Variants in CACNA2D2 observed in about 807,000 individuals in gnomAD.
The protein encoded by CACNA2D2 is calcium voltage-gated channel auxiliary subunit alpha2delta 2, also known as voltage-dependent calcium channel subunit alpha-2/delta-2.
CACNA2D2 carries 48 observed loss-of-function variants against 166.4 expected under a neutral mutation model. The ratio of observed to expected loss-of-function variants is 0.29; its 90% CI spans 0.23 to 0.37. CACNA2D2 has a LOEUF of 0.37. Ranked by LOEUF, CACNA2D2 falls within the 10% of genes least tolerant of loss-of-function variation. CACNA2D2 has a pLI of 1.00. For synonymous variants in CACNA2D2, 561 were observed against 573.7 expected (o/e 0.98, Z 0.32); for missense variants, 1,122 against 1,433.0 (o/e 0.78, Z 3.50).
intron 22 of CACNA2D2, among the ~76,000 whole-genome samples, chr3:50,371,191 C>A (rs1704639532): frequency 6.6e-6 from 1 of 152,116 alleles, no homozygotes; most frequent in South Asian, 2.1e-4. Flanking sequence ...TGGAGACGGG[C>A]TGGGTCTCCA....
At chr3:50,454,305 C>T (rs927300570) in intron 2 of CACNA2D2, among the ~76,000 whole-genome samples, 2 of 152,188 alleles carry the variant, frequency 1.3e-5, no homozygotes, top group African/African-American at 4.8e-5. Context: ...GCTTGGCACC[C>T]GCTGTGTACG....
In CACNA2D2 at chr3:50,377,453, A is replaced by T; in HGVS notation, c.1626+14T>A. ...TGGGAGGCAGGGTACGCGGATGGGC[A>T]GGGGGATGCTCACCGTGTAGTTGGG... On this transcript the variant is annotated intron_variant, in intron 17 of 37. Coordinates refer to ENST00000424201, the MANE Select transcript of CACNA2D2 (RefSeq NM_006030.4). 1 of 1,608,204 alleles carries T rather than the reference A, an allele frequency of 6.2e-7. No homozygotes were observed. The highest frequency in any genetic ancestry group is 8.5e-7 in the Non-Finnish European group (1 of 1,175,792).
At chr3:50,502,154 T>A (rs1403421763) in intron 1 of CACNA2D2, among the ~76,000 whole-genome samples, 1 of 152,078 alleles carries the variant, frequency 6.6e-6, no homozygotes, top group Admixed American at 6.6e-5. Flanking sequence ...AGCCAGCCTC[T>A]CCCTTTCCCC....
chr3:50,402,424 C>T (rs1393879622), intron 3 of CACNA2D2, among the ~76,000 whole-genome samples: 1 of 152,234 alleles, frequency 6.6e-6, no homozygotes, highest in Non-Finnish European at 1.5e-5. Flanking sequence ...GGCTGCAGGT[C>T]TCTGCCTTAC....
rs1292730350 is a variant in CACNA2D2 at position 50,365,667 on chromosome 3, G to A, written c.2937C>T (p.Leu979=). The A allele has an allele frequency of 6.3e-7, 1 of 1,584,774 alleles. No individual in the cohort carries two copies. The highest frequency in any genetic ancestry group is 8.6e-7 in the Non-Finnish European group (1 of 1,165,776). The change falls in exon 34 of 38, where the codon CTC becomes CTT. Residue 979 remains leucine (L), a synonymous_variant. Coordinates refer to ENST00000424201, the MANE Select transcript of CACNA2D2 (RefSeq NM_006030.4). This position sits in a 1 kb window ranked among gnomAD's most constrained non-coding sequence, Gnocchi z 4.5. ...ACCAGCTGTGGTAGATGAGGCCGTAGAGAAGCTGCTGGAACAGGGACCTGC... is the reference window on the plus strand; with the variant it reads ...ACCAGCTGTGGTAGATGAGGCCGTAAAGAAGCTGCTGGAACAGGGACCTGC... ...AAAWSLFQQL[L]YGLIYHSWFQ...
chr3:50,492,170 C>A (rs990913678), intron 1 of CACNA2D2, among the ~76,000 whole-genome samples: 4 of 152,270 alleles, frequency 2.6e-5, no homozygotes, highest in African/African-American at 7.2e-5. Context: ...GCCTTCCCCA[C>A]GGCCATGTCT....
intron 2 of CACNA2D2, among the ~76,000 whole-genome samples, chr3:50,471,275 T>C (rs912005686): frequency 1.3e-5 from 2 of 151,672 alleles, no homozygotes; most frequent in African/African-American, 4.8e-5. Context: ...TCTCGGTGCG[T>C]CAGTGCGACA....
chr3:50,450,091 C>A (rs993518827), intron 2 of CACNA2D2, among the ~76,000 whole-genome samples: 2 of 152,220 alleles, frequency 1.3e-5, no homozygotes, highest in South Asian at 4.1e-4. Flanking sequence ...CAGGTCTCAA[C>A]CAGTCCTCTC....
At chr3:50,377,314 C>T (rs587637979) in intron 17 of CACNA2D2, among the ~76,000 whole-genome samples, 153 bp downstream of exon 17, 1 of 152,174 alleles carries the variant, frequency 6.6e-6, no homozygotes, top group Non-Finnish European at 1.5e-5. Flanking sequence ...TCACCTTGTT[C>T]TAGACCCAAG....
At chr3:50,431,424 T>C (rs942922088) in intron 3 of CACNA2D2, among the ~76,000 whole-genome samples, 1 of 152,030 alleles carries the variant, frequency 6.6e-6, no homozygotes, top group African/African-American at 2.4e-5. Flanking sequence ...TGGGAGGCCA[T>C]GAGCTATGGG....
chr3:50,435,682 T>TAA (rs1258931067), intron 2 of CACNA2D2, among the ~76,000 whole-genome samples: 16 of 152,066 alleles, frequency 1.1e-4, no homozygotes, highest in Admixed American at 3.3e-4. Flanking sequence ...GCCCCTGCTC[T>TAA]GCTGCTACCC....
At chr3:50,488,230 T>TCC (rs2107145238) in intron 1 of CACNA2D2, among the ~76,000 whole-genome samples, 1 of 152,206 alleles carries the variant, frequency 6.6e-6, no homozygotes, top group African/African-American at 2.4e-5. Context: ...GGCAGGCTGC[T>TCC]CCCACACCGA....
chr3:50,481,647 C>T (rs1461642413), intron 1 of CACNA2D2, among the ~76,000 whole-genome samples: 3 of 152,186 alleles, frequency 2.0e-5, no homozygotes, highest in Non-Finnish European at 2.9e-5. Flanking sequence ...TCTCTTGCTT[C>T]TCTCATGATA....
intron 2 of CACNA2D2, among the ~76,000 whole-genome samples, chr3:50,473,667 C>G (rs1255017716): frequency 6.6e-6 from 1 of 152,190 alleles, no homozygotes; most frequent in Non-Finnish European, 1.5e-5. Flanking sequence ...ATTTGGAGAG[C>G]AATGGTGGCT....
At chr3:50,464,681 GC>G (rs1175196889) in intron 2 of CACNA2D2, among the ~76,000 whole-genome samples, 1 of 152,182 alleles carries the variant, frequency 6.6e-6, no homozygotes, top group Non-Finnish European at 1.5e-5. Flanking sequence ...AGTCTGCTTT[GC>G]CCCTAGAAGG....
rs907934837 is a variant in CACNA2D2 at position 50,427,855 on chromosome 3, G to A, written c.405+6458C>T. On this transcript the variant is annotated intron_variant, in intron 3 of 37. Transcript: ENST00000424201. This position sits in a 1 kb window ranked among gnomAD's most constrained non-coding sequence, Gnocchi z 4.7. The stretch of plus-strand genomic sequence containing the variant: ...CGACATCCATGGCCTGGTCCTCCAG[G>A]GGCCAACCTGTTTGTCTCACCCTCG... 6.6e-6 allele frequency among the ~76,000 whole-genome samples: 1 copy of A among 152,190 alleles called. No individual in the cohort carries two copies.
chr3:50,450,581 A>G (rs954521072), intron 2 of CACNA2D2, among the ~76,000 whole-genome samples: 4 of 152,214 alleles, frequency 2.6e-5, no homozygotes, highest in Non-Finnish European at 5.9e-5. Flanking sequence ...GGCGGAGGTG[A>G]CATTCAGCGC....
At chr3:50,384,083 G>A in intron 6 of CACNA2D2, 113 bp downstream of exon 6, 1 of 1,319,496 alleles carries the variant, frequency 7.6e-7, no homozygotes, top group Non-Finnish European at 1.1e-6. Context: ...GGTGTAGGAG[G>A]CTGGAGGTAG....
Position 50,365,001 on chromosome 3 carries a change from A to G in CACNA2D2, c.3209-31T>C, listed in dbSNP as rs749550711. On this transcript the variant is annotated intron_variant, in intron 36 of 37. Coordinates refer to ENST00000424201, the MANE Select transcript of CACNA2D2 (RefSeq NM_006030.4). The surrounding 1 kb of genome is among the most constrained non-coding windows in gnomAD (Gnocchi z 4.5). ...CATGGGTGGGGAGTCAAGGAGGCGG[A>G]CGGCGGCGGCGGCACGGAGGGGGCG... 5.5e-5 allele frequency: 89 copies of G among 1,605,870 alleles called. No homozygotes were observed. The highest frequency in any genetic ancestry group is 7.3e-5 in the Non-Finnish European group (86 of 1,176,696).
Sources: allele counts gnomAD v4.1 joint callset (sites outside exome capture counted in the v4.1 genomes callset), GRCh38; gene constraint gnomAD v4.1.1; non-coding constraint Gnocchi (gnomAD v3.1); transcripts MANE v1.5; gene names NCBI Gene and HGNC (gene_info 2026-07-23, HGNC 2026-07-21).